CBFA2T2: variants seen among roughly 807,000 people sequenced by gnomAD.
CBFA2T2 encodes CBFA2/RUNX1 partner transcriptional co-repressor 2, also known as protein CBFA2T2.
In CBFA2T2, 11 loss-of-function variants were observed where a neutral mutation model predicts 62.2. That is an observed-to-expected ratio of 0.18 (90% CI 0.11 to 0.29). The LOEUF (loss-of-function observed/expected upper bound fraction) is 0.29. CBFA2T2 is among the 10% of genes least tolerant of loss of function. The pLI is 1.00. For missense variants in CBFA2T2, 592 were observed against 774.1 expected (o/e 0.76, Z 2.79); for synonymous variants, 295 against 287.5 (o/e 1.03, Z -0.27).
At chr20:33,591,154 G>A (rs1251061814) in intron 1 of CBFA2T2, among the ~76,000 whole-genome samples, 1 of 98,272 alleles carries the variant, frequency 1.0e-5, no homozygotes, top group African/African-American at 4.9e-5. Context: ...ACTCCAGCCT[G>A]GGCAACAAGA....
intron 1 of CBFA2T2, among the ~76,000 whole-genome samples, chr20:33,560,610 C>CTTTA (rs1363838838): frequency 1.3e-5 from 2 of 152,086 alleles, no homozygotes; most frequent in Non-Finnish European, 2.9e-5. Flanking sequence ...ATTAAGTTGC[C>CTTTA]CTTGACAGAA....
intron 1 of CBFA2T2, among the ~76,000 whole-genome samples, chr20:33,556,266 C>T (rs1353226579): frequency 6.6e-6 from 1 of 152,140 alleles, no homozygotes; most frequent in African/African-American, 2.4e-5. Flanking sequence ...GAATACAGAC[C>T]AGTTGTTCTG....
chr20:33,566,159 A>G (rs968362601), intron 1 of CBFA2T2, among the ~76,000 whole-genome samples: 14 of 152,234 alleles, frequency 9.2e-5, no homozygotes, highest in African/African-American at 2.9e-4. Context: ...CCAGAGTTCA[A>G]TATCCTCCTG....
At chr20:33,528,000 C>T (rs1328432708) in intron 1 of CBFA2T2, among the ~76,000 whole-genome samples, 1 of 152,124 alleles carries the variant, frequency 6.6e-6, no homozygotes, top group African/African-American at 2.4e-5. Context: ...GTTGGGATTG[C>T]AGGCTCATGC....
chr20:33,494,344 C>T (rs1413878949), intron 1 of CBFA2T2, among the ~76,000 whole-genome samples: 7 of 111,938 alleles, frequency 6.3e-5, no homozygotes, highest in Non-Finnish European at 1.0e-4. Flanking sequence ...TGCAGTGGCA[C>T]GATCTCAGCT....
intron 1 of CBFA2T2, among the ~76,000 whole-genome samples, chr20:33,490,786 C>G (rs995298909): frequency 6.6e-6 from 1 of 152,182 alleles, no homozygotes; most frequent in Non-Finnish European, 1.5e-5. Context: ...TTGGCTCTCC[C>G]GGTGCCTCAG....
intron 3 of CBFA2T2, among the ~76,000 whole-genome samples, chr20:33,617,037 T>C (rs1007022246): frequency 2.0e-5 from 3 of 152,076 alleles, no homozygotes; most frequent in Non-Finnish European, 4.4e-5. Flanking sequence ...GCCTGGGGAA[T>C]GTAGCATGAC....
At chr20:33,519,779 G>C (rs2013096984) in intron 1 of CBFA2T2, among the ~76,000 whole-genome samples, 1 of 152,158 alleles carries the variant, frequency 6.6e-6, no homozygotes, top group Non-Finnish European at 1.5e-5. Flanking sequence ...AATTCTCTTA[G>C]AGGTAACCTG....
At chr20:33,494,232 CATATATATGTGTATATATATATAT>C (rs1162693971) in intron 1 of CBFA2T2, among the ~76,000 whole-genome samples, 4 of 60,024 alleles carry the variant, frequency 6.7e-5, no homozygotes, top group African/African-American at 1.8e-4. Flanking sequence ...ATGTATTAGG[CATATATATGTGTATATATATATAT>C]ATATATATAT....
rs1601139392 is a variant in CBFA2T2, at chr20:33,649,798, T to C, written c.*5152T>C. ...AAAGAAAGCCAATAATGTAAATAAATAGAAAACGAAGCCTCCACGCGTGGT... is the reference window on the plus strand; with the variant it reads ...AAAGAAAGCCAATAATGTAAATAAACAGAAAACGAAGCCTCCACGCGTGGT... On this transcript the variant is annotated 3_prime_UTR_variant, in exon 11 of 11. Coordinates refer to ENST00000342704, the MANE Select transcript of CBFA2T2 (RefSeq NM_001032999.3). 1 of 152,486 alleles carries C rather than the reference T, an allele frequency of 6.6e-6. No homozygotes were observed. The highest frequency in any genetic ancestry group is 6.5e-5 in the Admixed American group (1 of 15,270). 9.4% of individuals were successfully genotyped at this position (152,486 alleles called of 1,614,324 possible). A position where few individuals can be genotyped will look rare whatever the true frequency, so the allele number is the denominator to read the frequency against.
At chr20:33,536,733 C>T (rs1490561147) in intron 1 of CBFA2T2, among the ~76,000 whole-genome samples, 14 of 149,920 alleles carry the variant, frequency 9.3e-5, no homozygotes, top group African/African-American at 3.5e-4. Context: ...CCAGACGGGG[C>T]GGCGGGGCAG....
At chr20:33,642,114 TTTTGTGTGTGTGTGTGTGTGTGTGTG>T (rs1203663428) in intron 10 of CBFA2T2, among the ~76,000 whole-genome samples, 17 of 62,866 alleles carry the variant, frequency 2.7e-4, no homozygotes, top group Admixed American at 6.6e-4. Flanking sequence ...TCTTTTTTTT[TTTTGTGTGTGTGTGTGTGTGTGTGTG>T]TGTGTGTGTG....
At chr20:33,491,649 C>G (rs532504984) in intron 1 of CBFA2T2, among the ~76,000 whole-genome samples, 1 of 151,742 alleles carries the variant, frequency 6.6e-6, no homozygotes, top group Non-Finnish European at 1.5e-5. Context: ...ACTAAAGAGG[C>G]GGATAGTGAT....
At chr20:33,513,740 GGAGGAAGAGATTGCAGT>G (rs2011548802) in intron 1 of CBFA2T2, among the ~76,000 whole-genome samples, 1 of 149,204 alleles carries the variant, frequency 6.7e-6, no homozygotes, top group Non-Finnish European at 1.5e-5. Context: ...CTTGAACCCG[GGAGGAAGAGATTGCAGT>G]GAGCCAAGAT....
chr20:33,626,285 G>C (rs139112311), intron 6 of CBFA2T2, among the ~76,000 whole-genome samples: 1 of 152,204 alleles, frequency 6.6e-6, no homozygotes, highest in Admixed American at 6.5e-5. Flanking sequence ...AAAGATGCAA[G>C]ATTTCACCTT....
intron 1 of CBFA2T2, among the ~76,000 whole-genome samples, chr20:33,547,687 ATGTGTGTGTGTGTG>A (rs60988030): frequency 2.7e-4 from 38 of 139,176 alleles, no homozygotes; most frequent in African/African-American, 4.6e-4. Context: ...TCTCAAAAAA[ATGTGTGTGTGTGTG>A]TGTGTGTGTG....
intron 1 of CBFA2T2, among the ~76,000 whole-genome samples, chr20:33,538,650 G>A (rs957442783): frequency 2.6e-5 from 4 of 152,186 alleles, no homozygotes; most frequent in Non-Finnish European, 5.9e-5. Context: ...ACAGGCATGA[G>A]CCACCGTCCC....
At chr20:33,596,633 A>G (rs924783223) in intron 1 of CBFA2T2, among the ~76,000 whole-genome samples, 1 of 152,116 alleles carries the variant, frequency 6.6e-6, no homozygotes, top group Non-Finnish European at 1.5e-5. Context: ...ACCCACTTCC[A>G]GTAAGATACC....
At chr20:33,573,291 A>G (rs2013653309) in intron 1 of CBFA2T2, among the ~76,000 whole-genome samples, 1 of 152,194 alleles carries the variant, frequency 6.6e-6, no homozygotes, top group Non-Finnish European at 1.5e-5. Flanking sequence ...TTAATGTTAC[A>G]AAAAATGAAA....
Sources: allele counts gnomAD v4.1 joint callset (sites outside exome capture counted in the v4.1 genomes callset), GRCh38; gene constraint gnomAD v4.1.1; transcripts MANE v1.5; gene names NCBI Gene and HGNC (gene_info 2026-07-23, HGNC 2026-07-21).